The following PCDH11X variants were observed in gnomAD, a reference collection of about 807,000 sequenced individuals.
The protein encoded by PCDH11X is protocadherin 11 X-linked.
In PCDH11X, 18 loss-of-function variants were observed where a neutral mutation model predicts 53.3. The observed-to-expected ratio is 0.34, with a 90% confidence interval of 0.23 to 0.50. The LOEUF is 0.50. Ranked by LOEUF, PCDH11X falls within the 20% of genes least tolerant of loss-of-function variation. PCDH11X has a pLI of 0.98. For synonymous variants in PCDH11X, 279 were observed against 393.3 expected, an observed-to-expected ratio of 0.71 and a Z score of 3.44; for missense variants, 570 against 1,032.4, an observed-to-expected ratio of 0.55 and a Z score of 6.14.
At chrX:92,539,201 C>T (rs754042806) in intron 10 of PCDH11X, among the ~76,000 whole-genome samples, 91 of 109,637 alleles carry the variant, frequency 8.3e-4, no homozygotes, top group Non-Finnish European at 1.5e-3. Context: ...ACCCCCATCT[C>T]TTTCTGTACT....
At chrX:92,176,753 C>T (rs1041809553) in intron 6 of PCDH11X, among the ~76,000 whole-genome samples, 11 of 110,547 alleles carry the variant, frequency 1.0e-4, no homozygotes, top group East Asian at 5.7e-4. Context: ...TGTTGGAGTG[C>T]GAGAAGAGAA....
At chrX:92,249,094 C>T (rs905234763) in intron 7 of PCDH11X, among the ~76,000 whole-genome samples, 6 of 109,786 alleles carry the variant, frequency 5.5e-5, no homozygotes, top group African/African-American at 2.0e-4. Flanking sequence ...CATATATATA[C>T]ATACATATAT....
chrX:92,273,566 G>C (rs760619628), intron 8 of PCDH11X, among the ~76,000 whole-genome samples: 21 of 110,330 alleles, frequency 1.9e-4, no homozygotes, highest in Non-Finnish European at 3.8e-4. Flanking sequence ...GTGTTGGGGC[G>C]GTGAAAATTT....
intron 7 of PCDH11X, among the ~76,000 whole-genome samples, chrX:92,230,593 AATATATATATAAT>A (rs1290174470): frequency 3.4e-4 from 33 of 96,055 alleles, no homozygotes; most frequent in African/African-American, 1.2e-3. Context: ...ATATATATAA[AATATATATATAAT>A]ATATACATAT....
At chrX:92,496,846 C>T (rs1478279278) in intron 10 of PCDH11X, among the ~76,000 whole-genome samples, 1 of 107,799 alleles carries the variant, frequency 9.3e-6, no homozygotes, top group Admixed American at 9.9e-5. Flanking sequence ...GAATGCTTTT[C>T]CACCCATTCC....
At chrX:91,946,901 T>C (rs1191758844) in intron 6 of PCDH11X, among the ~76,000 whole-genome samples, 1 of 106,928 alleles carries the variant, frequency 9.4e-6, no homozygotes, top group Non-Finnish European at 1.9e-5. Context: ...TATTTTTGTA[T>C]TATGAGCATG....
At chrX:92,318,097 T>TA (rs200989854) in intron 8 of PCDH11X, among the ~76,000 whole-genome samples, 3 of 111,123 alleles carry the variant, frequency 2.7e-5, no homozygotes, top group Admixed American at 9.6e-5. Flanking sequence ...TATTTGTTCC[T>TA]AAAAAAAATT....
At chrX:92,148,105 TC>T (rs771150845) in intron 6 of PCDH11X, among the ~76,000 whole-genome samples, 17 of 21,551 alleles carry the variant, frequency 7.9e-4, no homozygotes, top group Non-Finnish European at 1.1e-3. Context: ...TTTCTTTCTT[TC>T]TTTCTTTCTT....
chrX:92,222,646 G>C (rs183278473), intron 7 of PCDH11X, among the ~76,000 whole-genome samples: 126 of 112,131 alleles, frequency 1.1e-3, no homozygotes, highest in Non-Finnish European at 2.0e-3. Flanking sequence ...TTTCTGCAAT[G>C]ATCTTTGGTC....
Position 92,554,015 on chromosome X carries a change from TC to T in PCDH11X, c.3368-64248del, listed in dbSNP as rs201725038. Among the ~76,000 whole-genome samples, 1,010 of 110,070 alleles carry T rather than the reference TC, an allele frequency of 9.2e-3. 13 individuals are homozygous for T. The highest frequency in any genetic ancestry group is 0.032 in the African/African-American group (971 of 30,388). On this transcript the variant is annotated intron_variant, in intron 10 of 10. Coordinates refer to ENST00000682573, the MANE Select transcript of PCDH11X (RefSeq NM_032968.5). ...TTACTCAAATTGGAAGAATACTAGA[TC>T]TTCACTGTTAATCAACCAAGAAAAA...
At chrX:92,591,171 A>G (rs1369228808) in intron 10 of PCDH11X, among the ~76,000 whole-genome samples, 2 of 111,145 alleles carry the variant, frequency 1.8e-5, no homozygotes, top group Non-Finnish European at 3.8e-5. Flanking sequence ...CTTTTGCCTA[A>G]GGCTCCATGA....
At chrX:91,833,870 AT>A (rs1307935541) in intron 4 of PCDH11X, among the ~76,000 whole-genome samples, 1 of 111,724 alleles carries the variant, frequency 9.0e-6, no homozygotes, top group African/African-American at 3.2e-5. Flanking sequence ...CAAGTTATTT[AT>A]ATCATATGTA....
chrX:92,044,170 A>G (rs2063250466), intron 6 of PCDH11X, among the ~76,000 whole-genome samples: 1 of 109,479 alleles, frequency 9.1e-6, no homozygotes, highest in Admixed American at 9.9e-5. Flanking sequence ...AAGAATTAGC[A>G]AAATCTTTGT....
chrX:92,421,240 G>A (rs1270755807), intron 9 of PCDH11X, among the ~76,000 whole-genome samples: 2 of 111,966 alleles, frequency 1.8e-5, no homozygotes, highest in Non-Finnish European at 3.8e-5. Context: ...CCAATAGGTA[G>A]TTTTTCTCTC....
intron 6 of PCDH11X, among the ~76,000 whole-genome samples, chrX:92,126,582 C>A (rs1404599955): frequency 9.1e-6 from 1 of 109,295 alleles, no homozygotes; most frequent in African/African-American, 3.4e-5. Context: ...GCACTCCAGT[C>A]TGGGCAACAA....
intron 7 of PCDH11X, among the ~76,000 whole-genome samples, chrX:92,214,869 C>T (rs975067263): frequency 2.7e-5 from 3 of 110,723 alleles, no homozygotes; most frequent in Admixed American, 9.7e-5. Flanking sequence ...GGCAGCACAG[C>T]GAAACCTCTT....
intron 7 of PCDH11X, among the ~76,000 whole-genome samples, chrX:92,224,427 C>A (rs1434151634): frequency 9.0e-6 from 1 of 111,421 alleles, no homozygotes; most frequent in Non-Finnish European, 1.9e-5. Context: ...TTAAATTTGG[C>A]CTGAGGATGC....
intron 6 of PCDH11X, among the ~76,000 whole-genome samples, chrX:91,931,987 C>T (rs186403056): frequency 9.0e-6 from 1 of 110,727 alleles, no homozygotes; most frequent in Non-Finnish European, 1.9e-5. Flanking sequence ...TCACCCCACC[C>T]GCCCTCAAGA....
chrX:92,359,928 A>G (rs1175748605), intron 8 of PCDH11X, among the ~76,000 whole-genome samples: 1 of 110,915 alleles, frequency 9.0e-6, no homozygotes, highest in East Asian at 2.8e-4. Context: ...TACTTATTTA[A>G]TATGCCTTTT....
Sources: allele counts gnomAD v4.1 joint callset (sites outside exome capture counted in the v4.1 genomes callset), GRCh38; gene constraint gnomAD v4.1.1; transcripts MANE v1.5; gene names NCBI Gene and HGNC (gene_info 2026-07-23, HGNC 2026-07-21).